EPB41: variants seen among roughly 807,000 people sequenced by gnomAD.
EPB41 encodes erythrocyte membrane protein band 4.1.
Under a neutral mutation model 108.0 loss-of-function variants are expected in EPB41, and 65 were observed. That is an observed-to-expected ratio of 0.60 (90% CI 0.49 to 0.74). The LOEUF is 0.74. EPB41 is among the 30% of genes least tolerant of loss of function. The pLI, the probability that EPB41 is intolerant of heterozygous loss-of-function variation, is 0.00. For missense variants in EPB41, 875 were observed against 1,037.0 expected (o/e 0.84, Z 2.15); for synonymous variants, 336 against 358.9 (o/e 0.94, Z 0.72).
At chr1:28,905,492 T>A (rs1296411170) in intron 1 of EPB41, among the ~76,000 whole-genome samples, 1 of 144,986 alleles carries the variant, frequency 6.9e-6, no homozygotes, top group African/African-American at 2.7e-5. Flanking sequence ...GAAGACTATG[T>A]CTCAAAAAAA....
intron 11 of EPB41, among the ~76,000 whole-genome samples, chr1:29,046,891 CTT>C (rs1474315893): frequency 2.0e-5 from 3 of 152,080 alleles, no homozygotes; most frequent in Non-Finnish European, 2.9e-5. Context: ...TCGTAATACT[CTT>C]TTCTTTTTTA....
intron 11 of EPB41, among the ~76,000 whole-genome samples, chr1:29,049,151 A>G (rs1270504314): frequency 6.6e-6 from 1 of 152,216 alleles, no homozygotes; most frequent in African/African-American, 2.4e-5. Flanking sequence ...CAGCTGGAGT[A>G]CCAAAACTGG....
chr1:28,897,317 G>A (rs1358785055), intron 1 of EPB41, among the ~76,000 whole-genome samples: 1 of 152,064 alleles, frequency 6.6e-6, no homozygotes, highest in Admixed American at 6.6e-5. Context: ...AGGAGGCTGA[G>A]GCAGGAGGAT....
upstream of EPB41, among the ~76,000 whole-genome samples, chr1:28,912,785 G>A (rs184581450): frequency 2.8e-4 from 42 of 151,488 alleles, no homozygotes; most frequent in East Asian, 8.0e-3. Flanking sequence ...GCCCAGCTAA[G>A]TTTTGTATTT....
intron 11 of EPB41, among the ~76,000 whole-genome samples, chr1:29,039,694 A>G (rs892901228): frequency 2.0e-5 from 3 of 152,060 alleles, no homozygotes; most frequent in African/African-American, 7.2e-5. Context: ...TATGCCTGTA[A>G]TCCCAGCTAC....
At chr1:29,004,157 A>G (rs2096356960) in intron 4 of EPB41, among the ~76,000 whole-genome samples, 2 of 152,214 alleles carry the variant, frequency 1.3e-5, no homozygotes, top group African/African-American at 4.8e-5. Context: ...ATTCCTGCTT[A>G]TAATTATTTA....
chr1:29,097,996 CA>C lies in EPB41; in HGVS notation c.2313+62del, dbSNP rs577742409. 6.6e-4 allele frequency: 1,064 copies of C among 1,609,724 alleles called. 8 individuals carry two copies. In the African/African-American group the frequency reaches 0.012, roughly 19 times the overall value. On this transcript the variant is annotated intron_variant, in intron 17 of 20. Coordinates refer to ENST00000343067, the MANE Select transcript of EPB41 (RefSeq NM_001376013.1). ...GCAAACAAAATTAATAACCTTTCTT[CA>C]CAGAGTTTCTAGTCATTTATCGCCA...
At chr1:29,061,590 T>A (rs1646578779) in intron 15 of EPB41, among the ~76,000 whole-genome samples, 2 of 141,054 alleles carry the variant, frequency 1.4e-5, no homozygotes, top group South Asian at 4.8e-4. Flanking sequence ...TTTTTTTTTT[T>A]TTTTTTTTGA....
At chr1:29,070,520 C>T (rs967869751) in intron 16 of EPB41, 10 of 1,232,032 alleles carry the variant, frequency 8.1e-6, no homozygotes, top group Non-Finnish European at 1.0e-6. Flanking sequence ...AAAGTGCCAC[C>T]TCTACTTTAG....
chr1:29,074,689 G>A (rs1269142496), intron 16 of EPB41, among the ~76,000 whole-genome samples: 1 of 152,182 alleles, frequency 6.6e-6, no homozygotes, highest in Non-Finnish European at 1.5e-5. Flanking sequence ...AATTCATGGA[G>A]GATTCCTTTT....
intron 16 of EPB41, among the ~76,000 whole-genome samples, chr1:29,074,930 G>A (rs1184920081): frequency 6.6e-6 from 1 of 152,070 alleles, no homozygotes; most frequent in African/African-American, 2.4e-5. Flanking sequence ...AGGCTGAGGC[G>A]GGCGGATCAC....
At chr1:28,994,387 G>A (rs2149634583) in intron 3 of EPB41, among the ~76,000 whole-genome samples, 1 of 151,052 alleles carries the variant, frequency 6.6e-6, no homozygotes, top group East Asian at 2.0e-4. Context: ...TAGCCAGGCT[G>A]GTCTCGATCT....
chr1:28,974,809 T>G (rs2149349451), intron 1 of EPB41, among the ~76,000 whole-genome samples: 1 of 152,046 alleles, frequency 6.6e-6, no homozygotes, highest in African/African-American at 2.4e-5. Flanking sequence ...TGTTTTTTTT[T>G]TTTGAGATGG....
chr1:29,070,330 T>C (rs1287005670), intron 16 of EPB41: 1 of 1,223,562 alleles, frequency 8.2e-7, no homozygotes, highest in Non-Finnish European at 1.0e-6. Context: ...GTTCATCTTA[T>C]TCTGTCTTTC....
At chr1:29,093,446 G>A (rs907456996) in intron 16 of EPB41, among the ~76,000 whole-genome samples, 1 of 151,718 alleles carries the variant, frequency 6.6e-6, no homozygotes, top group Admixed American at 6.6e-5. Context: ...CTGGATATTA[G>A]ACCTTTGTCA....
chr1:28,989,322 C>T (rs1423314880), intron 2 of EPB41: 1 of 883,078 alleles, frequency 1.1e-6, no homozygotes, highest in Non-Finnish European at 1.4e-6. Flanking sequence ...TACTGTAACT[C>T]AGACTATTTT....
intron 1 of EPB41, among the ~76,000 whole-genome samples, chr1:28,941,183 G>A (rs1167459799): frequency 6.6e-6 from 1 of 151,044 alleles, no homozygotes; most frequent in Non-Finnish European, 1.5e-5. Context: ...TTCGAGATTA[G>A]CCTCCTGAGA....
chr1:28,994,564 A>G (rs888756126), intron 3 of EPB41, among the ~76,000 whole-genome samples: 1 of 152,170 alleles, frequency 6.6e-6, no homozygotes, highest in African/African-American at 2.4e-5. Context: ...TATATAAGCA[A>G]TTGCAATTGT....
intron 1 of EPB41, among the ~76,000 whole-genome samples, chr1:28,909,534 G>A (rs1435603060): frequency 2.0e-5 from 3 of 151,984 alleles, no homozygotes; most frequent in African/African-American, 7.2e-5. Flanking sequence ...AGTGGCTCAC[G>A]CTTGTAATCC....
Sources: gnomAD v4.1 joint callset for allele counts (sites outside exome capture counted in the v4.1 genomes callset) on GRCh38, gnomAD v4.1.1 for gene constraint, MANE v1.5 for transcripts, NCBI Gene and HGNC (gene_info 2026-07-23, HGNC 2026-07-21) for gene names.